ATP10A: variants seen among roughly 807,000 people sequenced by gnomAD.
The protein encoded by ATP10A is ATPase phospholipid transporting 10A (putative).
In ATP10A, 111 loss-of-function variants were observed where a neutral mutation model predicts 147.8. That is an observed-to-expected ratio of 0.75 (90% CI 0.64 to 0.88). The LOEUF is 0.88. Ranked by LOEUF, ATP10A falls within the 40% of genes least tolerant of loss-of-function variation. ATP10A has a pLI of 0.00. For synonymous variants in ATP10A, 875 were observed against 841.6 expected (o/e 1.04, Z -0.69); for missense variants, 1,927 against 1,959.0 (o/e 0.98, Z 0.31).
chr15:25,864,098 C>T (rs1195324699), upstream of ATP10A, among the ~76,000 whole-genome samples: 6 of 152,026 alleles, frequency 3.9e-5, no homozygotes, highest in Non-Finnish European at 5.9e-5. Flanking sequence ...TGTCATGGCC[C>T]GGACGGCGGG....
At position 25,847,609 on chromosome 15, in the gene ATP10A, C is replaced by CTTTTTTT. The variant is rs34212354; in HGVS notation, c.449+15032_449+15038dup. On this transcript the variant is annotated intron_variant, in intron 1 of 20. Transcript: ENST00000555815. The stretch of plus-strand genomic sequence containing the variant: ...CCTAGCTAATTCAAACAGCTACAGC[C>CTTTTTTT]TTTTTTTTTTTTTTTTTTTTTTTTT... 1.4e-3 allele frequency among the ~76,000 whole-genome samples: 55 copies of CTTTTTTT among 40,738 alleles called. 22 individuals are homozygous for CTTTTTTT. The highest frequency in any genetic ancestry group is 8.4e-3 in the East Asian group (8 of 958). 26.7% of individuals were successfully genotyped at this position (40,738 alleles called of 152,430 possible).
At chr15:25,805,463 T>C (rs1226950908) in intron 1 of ATP10A, among the ~76,000 whole-genome samples, 1 of 152,224 alleles carries the variant, frequency 6.6e-6, no homozygotes, top group Non-Finnish European at 1.5e-5. Context: ...CGCGTCCTTA[T>C]TTTTGTGCTA....
At position 25,862,638 on chromosome 15, in the gene ATP10A, C is replaced by G; in HGVS notation, c.449+10G>C. The G allele has an allele frequency of 1.9e-6, 3 of 1,554,038 alleles. No homozygotes were observed. In the Admixed American group the frequency reaches 5.5e-5, roughly 29 times the overall value. ...CACCGCGCGCTCGCTCGCCCGCCCGCCCAACTCACCTGCTGAAGACCAGGC... is the reference window on the plus strand; with the variant it reads ...CACCGCGCGCTCGCTCGCCCGCCCGGCCAACTCACCTGCTGAAGACCAGGC... On this transcript the variant is annotated intron_variant, in intron 1 of 20. Coordinates refer to ENST00000555815, the MANE Select transcript of ATP10A (RefSeq NM_024490.4).
At chr15:25,706,692 A>AG (rs1182308271) in intron 12 of ATP10A, among the ~76,000 whole-genome samples, 1 of 152,192 alleles carries the variant, frequency 6.6e-6, no homozygotes, top group African/African-American at 2.4e-5. Flanking sequence ...GCATTACTCC[A>AG]GGGGGCGGAA....
chr15:25,806,786 A>T (rs1010544305), intron 1 of ATP10A, among the ~76,000 whole-genome samples: 1 of 152,206 alleles, frequency 6.6e-6, no homozygotes, highest in Non-Finnish European at 1.5e-5. Context: ...AGTCAAACAC[A>T]GGTTTTCGGC....
intron 1 of ATP10A, among the ~76,000 whole-genome samples, chr15:25,787,044 C>A (rs1209413104): frequency 2.0e-5 from 3 of 151,970 alleles, no homozygotes; most frequent in African/African-American, 4.8e-5. Context: ...TCTCAGTGAA[C>A]CCTCCCACGA....
At chr15:25,776,744 G>A (rs760712100) in intron 2 of ATP10A, among the ~76,000 whole-genome samples, 7 of 152,214 alleles carry the variant, frequency 4.6e-5, no homozygotes, top group Non-Finnish European at 1.0e-4. Context: ...CATGCCCACC[G>A]CCTTCCGGTT....
intron 3 of ATP10A, 115 bp downstream of exon 3, chr15:25,735,941 C>A: frequency 1.0e-6 from 1 of 963,466 alleles, no homozygotes; most frequent in South Asian, 1.4e-5. Flanking sequence ...TCCCAAACAG[C>A]TACACCATGT....
chr15:25,789,594 C>T (rs922697948), intron 1 of ATP10A, among the ~76,000 whole-genome samples: 26 of 62,892 alleles, frequency 4.1e-4, no homozygotes, highest in East Asian at 2.9e-3. Flanking sequence ...GTGTGTGTGA[C>T]AGAGACAGAG....
rs1264969203 is a variant in ATP10A, at chr15:25,679,638, A to G, written c.4203T>C (p.Ala1401=). 1.2e-6 allele frequency: 2 copies of G among 1,613,398 alleles called. No individual in the cohort carries two copies. Among genetic ancestry groups the G allele is most frequent in the Non-Finnish European group, 1.7e-6 (2 of 1,179,972 alleles). ...GACACCCTCCTGGACTCCTCAGGAC[A>G]GCCTCCCCTGGCGCAGAGGACATGG... ...PAPMSSAPGE[A]VLRSPGGCPE... Residue 1401 remains alanine, a synonymous_variant, in exon 21 of 21, where the codon GCT becomes GCC. Transcript: ENST00000555815.
chr15:25,856,566 A>T (rs1275138261), intron 1 of ATP10A, among the ~76,000 whole-genome samples: 1 of 152,238 alleles, frequency 6.6e-6, no homozygotes, highest in East Asian at 1.9e-4. Flanking sequence ...ACCAGGGAGT[A>T]GATGAGGGGA....
intron 1 of ATP10A, among the ~76,000 whole-genome samples, chr15:25,795,353 A>G (rs1488804030): frequency 1.3e-5 from 2 of 152,148 alleles, no homozygotes. Flanking sequence ...TCCGATGTTT[A>G]ACATCTAATG....
chr15:25,775,413 C>A (rs1357948240), intron 2 of ATP10A, among the ~76,000 whole-genome samples: 1 of 152,210 alleles, frequency 6.6e-6, no homozygotes, highest in African/African-American at 2.4e-5. Context: ...ACCAGGCCCC[C>A]CAGGGACTGG....
At chr15:25,861,422 C>T (rs995794284) in intron 1 of ATP10A, among the ~76,000 whole-genome samples, 4 of 152,124 alleles carry the variant, frequency 2.6e-5, no homozygotes, top group African/African-American at 4.8e-5. Flanking sequence ...TCTCTGAACC[C>T]GTTTACTCTG....
chr15:25,847,771 C>G (rs549842722), intron 1 of ATP10A, among the ~76,000 whole-genome samples: 17 of 151,860 alleles, frequency 1.1e-4, no homozygotes, highest in African/African-American at 4.1e-4. Context: ...GCTGGGACTA[C>G]AGGCATGCAC....
intron 2 of ATP10A, among the ~76,000 whole-genome samples, chr15:25,752,149 C>T (rs907291340): frequency 6.6e-6 from 1 of 152,128 alleles, no homozygotes; most frequent in Non-Finnish European, 1.5e-5. Context: ...GAACCAACAT[C>T]TCACTTCTGG....
chr15:25,768,683 A>ATTTTT lies in ATP10A; in HGVS notation c.654+12331_654+12335dup, dbSNP rs143608940. 1.7e-3 allele frequency among the ~76,000 whole-genome samples: 153 copies of ATTTTT among 89,594 alleles called. 2 individuals carry two copies. The highest frequency in any genetic ancestry group is 6.5e-3 in the Middle Eastern group (1 of 154). The allele number at this position is 89,594 out of a possible 152,430, so 58.8% of individuals were successfully genotyped here. A position where few individuals can be genotyped will look rare whatever the true frequency, so the allele number is the denominator to read the frequency against. On this transcript the variant is annotated intron_variant, in intron 2 of 20. Transcript: ENST00000555815. ...CTCACCTGCCCAAGTAGCTGGGCTA[A>ATTTTT]TTTTTTTTTTTTTTTTTTTTTTTTT...
rs576245253 is a variant in ATP10A, at chr15:25,731,071, A to G, written c.741-3805T>C. 1.1e-4 allele frequency among the ~76,000 whole-genome samples: 17 copies of G among 152,332 alleles called. No individual in the cohort carries two copies. The South Asian group carries it at 3.3e-3, about 30-fold the overall frequency. ...GACCCTGACAGCTCTGTTGTTAGTG[A>G]CAGCCCTGCTGTCTTTACTAACCAC... On this transcript the variant is annotated intron_variant, in intron 3 of 20. Transcript: ENST00000555815.
chr15:25,809,943 AG>A (rs1891354596), intron 1 of ATP10A, among the ~76,000 whole-genome samples: 1 of 151,898 alleles, frequency 6.6e-6, no homozygotes, highest in African/African-American at 2.4e-5. Context: ...CCCAAGCTGG[AG>A]AGCTACAAGC....
Sources: gnomAD v4.1 joint callset for allele counts (sites outside exome capture counted in the v4.1 genomes callset) on GRCh38, gnomAD v4.1.1 for gene constraint, MANE v1.5 for transcripts, NCBI Gene and HGNC (gene_info 2026-07-23, HGNC 2026-07-21) for gene names.